The following PTPRG variants were observed in gnomAD, a reference collection of about 807,000 sequenced individuals.
The protein encoded by PTPRG is receptor-type tyrosine-protein phosphatase gamma.
PTPRG carries 102 observed loss-of-function variants against 165.3 expected under a neutral mutation model. The ratio of observed to expected loss-of-function variants is 0.62; its 90% CI spans 0.53 to 0.73. PTPRG has a LOEUF of 0.73. Among genes scored for constraint, PTPRG ranks in the 30% least tolerant of loss-of-function variants. PTPRG has a pLI of 0.00. For synonymous variants in PTPRG, 675 were observed against 669.5 expected, an observed-to-expected ratio of 1.01 and a Z score of -0.13; for missense variants, 1,866 against 1,861.4, an observed-to-expected ratio of 1.00 and a Z score of -0.05.
intron 1 of PTPRG, among the ~76,000 whole-genome samples, chr3:61,718,974 G>A (rs755045621): frequency 5.9e-5 from 9 of 152,068 alleles, no homozygotes; most frequent in Non-Finnish European, 1.2e-4. Context: ...TTGACTTAAT[G>A]GATTGTCCCC....
chr3:62,132,227 A>T (rs1703542272), intron 5 of PTPRG, among the ~76,000 whole-genome samples: 1 of 152,216 alleles, frequency 6.6e-6, no homozygotes, highest in African/African-American at 2.4e-5. Flanking sequence ...TCACCAGAAG[A>T]TGTTGAAATT....
chr3:61,655,659 A>G (rs1190695716), intron 1 of PTPRG, among the ~76,000 whole-genome samples: 1 of 152,134 alleles, frequency 6.6e-6, no homozygotes, highest in Non-Finnish European at 1.5e-5. Context: ...GTGTGGTGGC[A>G]GGATCACGGC....
intron 2 of PTPRG, among the ~76,000 whole-genome samples, chr3:61,773,349 G>C (rs1234555853): frequency 2.2e-4 from 34 of 152,102 alleles, no homozygotes; most frequent in Admixed American, 2.2e-3. Flanking sequence ...TGAAGAGGAA[G>C]AGGAAAGATA....
At position 62,255,583 on chromosome 3, in the gene PTPRG, AT is replaced by A. The variant is rs1701519535; in HGVS notation, c.2559+369del. 6.6e-6 allele frequency among the ~76,000 whole-genome samples: 1 copy of A among 152,192 alleles called. No individual in the cohort carries two copies. The highest frequency in any genetic ancestry group is 2.1e-4 in the South Asian group (1 of 4,838). On this transcript the variant is annotated intron_variant, in intron 16 of 29. Coordinates refer to ENST00000474889, the MANE Select transcript of PTPRG (RefSeq NM_002841.4). This position sits in a 1 kb window ranked among gnomAD's most constrained non-coding sequence, Gnocchi z 4.0. Reference sequence around the variant, plus strand: ...CTGCAATGCACATGGTATAGTGAAGATAGCAGGTTTGGTGTCTGAGAAACTG... The same window carrying A: ...CTGCAATGCACATGGTATAGTGAAGAAGCAGGTTTGGTGTCTGAGAAACTG...
At chr3:62,077,894 CG>C (rs1170373508) in intron 4 of PTPRG, among the ~76,000 whole-genome samples, 15 of 150,812 alleles carry the variant, frequency 9.9e-5, no homozygotes, top group African/African-American at 3.7e-4. Context: ...CCCAGCTATT[CG>C]GCTGAGGCAG....
Position 62,269,077 on chromosome 3 carries a change from T to A in PTPRG, c.2917T>A (p.Tyr973Asn). ...TTGGCCAACAGAGAACAGTGAGGAA[T>A]ATGGAAACATTATTGTCACGCTGAA... ...QYWPTENSEE[Y>N]GNIIVTLKST... is the part of the protein sequence containing the mutation. Residue 973 changes from tyrosine (Y) to asparagine (N), a missense_variant, in exon 20 of 30, where the codon TAT becomes AAT. By Grantham distance (143) the Tyr-to-Asn change is moderately radical (BLOSUM62 -2). Coordinates refer to ENST00000474889, the MANE Select transcript of PTPRG (RefSeq NM_002841.4). The A allele has an allele frequency of 1.2e-6, 2 of 1,606,438 alleles. No individual in the cohort carries two copies. Among genetic ancestry groups the A allele is most frequent in the Non-Finnish European group, 1.7e-6 (2 of 1,174,196 alleles).
At chr3:61,620,688 G>A (rs1452036382) in intron 1 of PTPRG, among the ~76,000 whole-genome samples, 1 of 151,908 alleles carries the variant, frequency 6.6e-6, no homozygotes, top group Non-Finnish European at 1.5e-5. Context: ...GAGTGCAATA[G>A]TGCGATTTTG....
intron 2 of PTPRG, among the ~76,000 whole-genome samples, chr3:61,874,457 CAG>C (rs2037668328): frequency 6.6e-6 from 1 of 152,136 alleles, no homozygotes; most frequent in Admixed American, 6.6e-5. Context: ...CATTTTAAAG[CAG>C]AGAGGTAAAT....
intron 2 of PTPRG, among the ~76,000 whole-genome samples, chr3:61,806,830 A>G (rs933946517): frequency 6.6e-6 from 1 of 152,202 alleles, no homozygotes; most frequent in African/African-American, 2.4e-5. Context: ...TTAGGAAATC[A>G]AATGAACTGG....
At chr3:61,605,020 C>T (rs1700963880) in intron 1 of PTPRG, among the ~76,000 whole-genome samples, 2 of 152,130 alleles carry the variant, frequency 1.3e-5, no homozygotes, top group Non-Finnish European at 2.9e-5. Context: ...CAGGTCTCTT[C>T]GGACCTAAAG....
intron 3 of PTPRG, among the ~76,000 whole-genome samples, chr3:61,997,900 A>G (rs958066435): frequency 2.0e-4 from 31 of 152,176 alleles, no homozygotes; most frequent in Admixed American, 4.6e-4. Context: ...TGTCACAAAT[A>G]TTGTGGAAGG....
chr3:62,084,200 A>G (rs151102671), intron 5 of PTPRG, among the ~76,000 whole-genome samples: 66 of 152,332 alleles, frequency 4.3e-4, no homozygotes, highest in African/African-American at 1.5e-3. Context: ...GATCTAGTCA[A>G]TAGGTATATT....
chr3:61,937,705 AT>A (rs1238143901), intron 2 of PTPRG, among the ~76,000 whole-genome samples: 1 of 152,192 alleles, frequency 6.6e-6, no homozygotes, highest in Non-Finnish European at 1.5e-5. Context: ...AGTCAGAGTG[AT>A]CACAGTTTCA....
intron 12 of PTPRG, among the ~76,000 whole-genome samples, chr3:62,211,446 A>G (rs1282281142): frequency 3.3e-5 from 5 of 152,242 alleles, no homozygotes; most frequent in Non-Finnish European, 1.5e-5. Context: ...AACAATGTGA[A>G]TAACTAAACA....
intron 8 of PTPRG, among the ~76,000 whole-genome samples, chr3:62,169,339 G>T (rs1401407114): frequency 6.6e-6 from 1 of 151,908 alleles, no homozygotes; most frequent in Non-Finnish European, 1.5e-5. Flanking sequence ...TCCACCCCCG[G>T]CAAGAACTCC....
chr3:61,667,087 G>C (rs1702830426), intron 1 of PTPRG, among the ~76,000 whole-genome samples: 1 of 152,166 alleles, frequency 6.6e-6, no homozygotes, highest in Non-Finnish European at 1.5e-5. Context: ...CCTTACAGCA[G>C]CAGTAATTGC....
intron 3 of PTPRG, among the ~76,000 whole-genome samples, chr3:61,992,615 G>A (rs1048859511): frequency 6.6e-6 from 1 of 152,124 alleles, no homozygotes; most frequent in African/African-American, 2.4e-5. Flanking sequence ...CGCCTCCCGG[G>A]TTGAAGCAAT....
intron 4 of PTPRG, among the ~76,000 whole-genome samples, chr3:62,018,611 A>T (rs1296262971): frequency 6.6e-6 from 1 of 152,250 alleles, no homozygotes; most frequent in Non-Finnish European, 1.5e-5. Flanking sequence ...TAGTCTAAGG[A>T]AAGAGCAAAA....
chr3:61,883,504 ACTC>A (rs1265770193), intron 2 of PTPRG, among the ~76,000 whole-genome samples: 1 of 151,956 alleles, frequency 6.6e-6, no homozygotes, highest in East Asian at 1.9e-4. Context: ...GTAATTCAAA[ACTC>A]CTCTCGTTCC....
Sources: gnomAD v4.1 joint callset for allele counts (sites outside exome capture counted in the v4.1 genomes callset) on GRCh38, gnomAD v4.1.1 for gene constraint, Gnocchi (gnomAD v3.1) non-coding constraint, MANE v1.5 for transcripts, NCBI Gene and HGNC (gene_info 2026-07-23, HGNC 2026-07-21) for gene names.